The following ZYG11B variants were observed in gnomAD, a reference collection of about 807,000 sequenced individuals.
The protein encoded by ZYG11B is zyg-11 family member B, cell cycle regulator.
Under a neutral mutation model 82.4 loss-of-function variants are expected in ZYG11B, and 36 were observed. That is an observed-to-expected ratio of 0.44 (90% CI 0.33 to 0.58). ZYG11B has a LOEUF of 0.58. ZYG11B is among the 20% of genes least tolerant of loss of function. The pLI is 0.02. For synonymous variants in ZYG11B, 303 were observed against 312.8 expected (o/e 0.97, Z 0.33); for missense variants, 552 against 895.6 (o/e 0.62, Z 4.90).
At chr1:52,729,965 A>G (rs1383987264) in intron 1 of ZYG11B, among the ~76,000 whole-genome samples, 1 of 152,034 alleles carries the variant, frequency 6.6e-6, no homozygotes, top group African/African-American at 2.4e-5. Context: ...CCATCATCAC[A>G]CCTGGCTAAT....
intron 1 of ZYG11B, among the ~76,000 whole-genome samples, chr1:52,730,584 C>T (rs920367103): frequency 5.9e-5 from 9 of 152,158 alleles, no homozygotes; most frequent in African/African-American, 2.2e-4. Flanking sequence ...CCGCTTTGGC[C>T]TCCCAAAGTG....
chr1:52,772,425 A>T (rs1349352191), intron 3 of ZYG11B: 2 of 1,563,718 alleles, frequency 1.3e-6, no homozygotes, highest in Admixed American at 1.7e-5. Context: ...CTTAGACTTA[A>T]GAATTCTTAA....
At chr1:52,736,896 G>A (rs749007139) in intron 1 of ZYG11B, among the ~76,000 whole-genome samples, 3 of 151,134 alleles carry the variant, frequency 2.0e-5, no homozygotes, top group African/African-American at 7.3e-5. Context: ...GCCTGAAAGT[G>A]TTTTATGTAG....
At chr1:52,802,365 T>TG (rs1645083020) in intron 10 of ZYG11B, among the ~76,000 whole-genome samples, 3 of 104,068 alleles carry the variant, frequency 2.9e-5, no homozygotes, top group South Asian at 6.2e-4. Context: ...TTTTTTTTTT[T>TG]GAGACAGGGT....
At chr1:52,815,354 C>A (rs1219422073) in intron 12 of ZYG11B, among the ~76,000 whole-genome samples, 46 of 151,916 alleles carry the variant, frequency 3.0e-4, no homozygotes, top group Admixed American at 3.0e-3. Flanking sequence ...AATAAAAAAA[C>A]CTGGGCATGA....
intron 10 of ZYG11B, among the ~76,000 whole-genome samples, chr1:52,809,792 A>G (rs1265814830): frequency 6.6e-6 from 1 of 151,882 alleles, no homozygotes; most frequent in Admixed American, 6.6e-5. Flanking sequence ...GTATGGGTTT[A>G]TTGGCCATTT....
intron 10 of ZYG11B, among the ~76,000 whole-genome samples, chr1:52,803,151 T>TACAC (rs1290966360): frequency 1.8e-5 from 1 of 56,536 alleles, no homozygotes; most frequent in Non-Finnish European, 2.9e-5. Context: ...TATATATATA[T>TACAC]ATACACATAT....
chr1:52,812,278 G>C (rs1645190287), intron 10 of ZYG11B, among the ~76,000 whole-genome samples: 1 of 151,888 alleles, frequency 6.6e-6, no homozygotes, highest in Non-Finnish European at 1.5e-5. Flanking sequence ...AATGTAACTT[G>C]GTGATTGCTA....
At chr1:52,791,800 A>G (rs1414379869) in intron 6 of ZYG11B, among the ~76,000 whole-genome samples, 1 of 152,216 alleles carries the variant, frequency 6.6e-6, no homozygotes, top group Non-Finnish European at 1.5e-5. Flanking sequence ...AACTACGTAT[A>G]TCTCATGTAG....
intron 10 of ZYG11B, among the ~76,000 whole-genome samples, chr1:52,809,447 C>T (rs1645166209): frequency 6.6e-6 from 1 of 152,174 alleles, no homozygotes; most frequent in Non-Finnish European, 1.5e-5. Context: ...CTCTGCCTCC[C>T]AAAGTGCTGG....
intron 4 of ZYG11B, among the ~76,000 whole-genome samples, chr1:52,783,889 C>CATACACGTGTGTGTGTATGTAT (rs1644884523): frequency 1.0e-5 from 1 of 98,562 alleles, no homozygotes; most frequent in South Asian, 3.0e-4. Flanking sequence ...TGTATATGTA[C>CATACACGTGTGTGTGTATGTAT]ATACACGTGT....
At chr1:52,811,051 A>AAAG (rs1553263650) in intron 10 of ZYG11B, among the ~76,000 whole-genome samples, 1 of 142,908 alleles carries the variant, frequency 7.0e-6, no homozygotes, top group African/African-American at 2.6e-5. Flanking sequence ...AAAAAAAAAA[A>AAAG]AGAGAAATTT....
intron 3 of ZYG11B, among the ~76,000 whole-genome samples, chr1:52,779,593 C>T (rs541485568): frequency 1.1e-3 from 168 of 152,212 alleles, no homozygotes; most frequent in African/African-American, 3.8e-3. Context: ...TGGGTTCAAG[C>T]GATTCTCCTG....
intron 10 of ZYG11B, among the ~76,000 whole-genome samples, chr1:52,811,561 C>T (rs1027640616): frequency 6.6e-6 from 1 of 152,198 alleles, no homozygotes; most frequent in African/African-American, 2.4e-5. Context: ...CCACCTCAAC[C>T]TCCTGTGCTG....
At chr1:52,788,371 T>G (rs535171712) in intron 5 of ZYG11B, among the ~76,000 whole-genome samples, 2 of 152,220 alleles carry the variant, frequency 1.3e-5, no homozygotes, top group African/African-American at 4.8e-5. Context: ...CAGTAAGGCA[T>G]AGATTCAGTG....
intron 1 of ZYG11B, among the ~76,000 whole-genome samples, chr1:52,742,562 G>A (rs1390659246): frequency 6.6e-6 from 1 of 152,242 alleles, no homozygotes; most frequent in East Asian, 1.9e-4. Flanking sequence ...CAAAAAGTAG[G>A]CCAGGCGCGG....
At chr1:52,757,078 C>T (rs1644584759) in intron 2 of ZYG11B, among the ~76,000 whole-genome samples, 1 of 149,374 alleles carries the variant, frequency 6.7e-6, no homozygotes, top group African/African-American at 2.5e-5. Context: ...GGGCCTTGTT[C>T]TGTTGCCCAG....
intron 3 of ZYG11B, among the ~76,000 whole-genome samples, chr1:52,774,307 ATT>A (rs372279550): frequency 1.1e-4 from 14 of 127,492 alleles, no homozygotes; most frequent in South Asian, 2.5e-4. Context: ...TAACTGGCTA[ATT>A]TTTTTTTTTT....
At chr1:52,761,019 T>C (rs1328045202) in intron 2 of ZYG11B, among the ~76,000 whole-genome samples, 1 of 152,160 alleles carries the variant, frequency 6.6e-6, no homozygotes, top group Non-Finnish European at 1.5e-5. Flanking sequence ...TGCCTTGGTC[T>C]CCCAAAGTGC....
Sources: allele counts gnomAD v4.1 joint callset (sites outside exome capture counted in the v4.1 genomes callset), GRCh38; gene constraint gnomAD v4.1.1; transcripts MANE v1.5; gene names NCBI Gene and HGNC (gene_info 2026-07-23, HGNC 2026-07-21).